The following FBXL4 variants were observed in gnomAD, a reference collection of about 807,000 sequenced individuals.
FBXL4 encodes the protein F-box/LRR-repeat protein 4.
FBXL4 carries 40 observed loss-of-function variants against 58.9 expected under a neutral mutation model. The observed-to-expected ratio is 0.68, with a 90% confidence interval of 0.53 to 0.88. FBXL4 has a LOEUF of 0.88. Among genes scored for constraint, FBXL4 ranks in the 40% least tolerant of loss-of-function variants. The pLI is 0.00. For missense variants in FBXL4, 676 were observed against 734.4 expected (o/e 0.92, Z 0.92); for synonymous variants, 263 against 265.5 (o/e 0.99, Z 0.09).
At chr6:98,919,278 G>C (rs1257116985) in intron 4 of FBXL4, among the ~76,000 whole-genome samples, 1 of 152,118 alleles carries the variant, frequency 6.6e-6, no homozygotes, top group Non-Finnish European at 1.5e-5. Context: ...AGGAACCACA[G>C]AATAGGGAAC....
At chr6:98,929,154 C>G (rs1772906035) in intron 2 of FBXL4, among the ~76,000 whole-genome samples, 1 of 152,110 alleles carries the variant, frequency 6.6e-6, no homozygotes, top group Non-Finnish European at 1.5e-5. Flanking sequence ...ATAACAGCAT[C>G]CTTTTGCCTC....
intron 5 of FBXL4, 42 bp from the exon 6 acceptor site, chr6:98,905,712 C>A (rs757870675): frequency 1.9e-6 from 3 of 1,590,290 alleles, no homozygotes; most frequent in Non-Finnish European, 2.6e-6. Context: ...GAGTGAAAAG[C>A]AGTATCATTC....
At chr6:98,880,902 G>C (rs1011824555) in intron 7 of FBXL4, among the ~76,000 whole-genome samples, 1 of 151,972 alleles carries the variant, frequency 6.6e-6, no homozygotes, top group Non-Finnish European at 1.5e-5. Context: ...ATGACCTCTC[G>C]GTTCATTTCC....
chr6:98,896,272 T>C (rs564036181), intron 7 of FBXL4, among the ~76,000 whole-genome samples: 1 of 152,108 alleles, frequency 6.6e-6, no homozygotes, highest in African/African-American at 2.4e-5. Context: ...GTAAAAGGAG[T>C]GTGTGTATCA....
At chr6:98,889,397 G>A (rs540435240) in intron 7 of FBXL4, among the ~76,000 whole-genome samples, 1 of 150,948 alleles carries the variant, frequency 6.6e-6, no homozygotes, top group Admixed American at 6.6e-5. Flanking sequence ...CTACTACAAT[G>A]ACTACAATGA....
chr6:98,937,595 C>T (rs1773269683), intron 1 of FBXL4, among the ~76,000 whole-genome samples: 1 of 151,950 alleles, frequency 6.6e-6, no homozygotes, highest in Admixed American at 6.6e-5. Flanking sequence ...GTGGTCCTTG[C>T]CATTTCAGGA....
chr6:98,938,900 T>C (rs1414011493), intron 1 of FBXL4, among the ~76,000 whole-genome samples: 1 of 151,730 alleles, frequency 6.6e-6, no homozygotes, highest in Admixed American at 6.6e-5. Context: ...CTAAGAAACA[T>C]AGGGAGACCC....
intron 4 of FBXL4, among the ~76,000 whole-genome samples, chr6:98,925,321 T>G (rs1772736916): frequency 6.6e-6 from 1 of 152,152 alleles, no homozygotes; most frequent in Non-Finnish European, 1.5e-5. Context: ...TAGTACAGAC[T>G]CTTTGGAGAG....
chr6:98,897,570 G>A (rs951775302), intron 7 of FBXL4, among the ~76,000 whole-genome samples: 2 of 152,080 alleles, frequency 1.3e-5, no homozygotes, highest in Non-Finnish European at 2.9e-5. Flanking sequence ...TAATTCATTC[G>A]GTGTTGCTAT....
At chr6:98,936,223 T>C (rs1773212579) in intron 1 of FBXL4, among the ~76,000 whole-genome samples, 1 of 152,212 alleles carries the variant, frequency 6.6e-6, no homozygotes, top group South Asian at 2.1e-4. Context: ...TTGATGAGTT[T>C]TGACAATGAC....
chr6:98,944,897 T>C (rs774263576), intron 1 of FBXL4, among the ~76,000 whole-genome samples: 1 of 152,192 alleles, frequency 6.6e-6, no homozygotes, highest in African/African-American at 2.4e-5. Context: ...CAGCATAAGA[T>C]GATCCTCTGG....
chr6:98,931,171 T>G (rs1772997948), intron 2 of FBXL4, among the ~76,000 whole-genome samples: 1 of 152,224 alleles, frequency 6.6e-6, no homozygotes, highest in South Asian at 2.1e-4. Flanking sequence ...TATAAAACTG[T>G]GTTGTGCATT....
chr6:98,919,845 C>CT (rs1180552761), intron 4 of FBXL4, among the ~76,000 whole-genome samples: 1 of 152,040 alleles, frequency 6.6e-6, no homozygotes, highest in Non-Finnish European at 1.5e-5. Flanking sequence ...TTTAGTCTTA[C>CT]TTTTTTGTCG....
At chr6:98,940,362 C>T in intron 1 of FBXL4, among the ~76,000 whole-genome samples, 1 of 152,174 alleles carries the variant, frequency 6.6e-6, no homozygotes, top group East Asian at 1.9e-4. Context: ...TGTTGCTAAA[C>T]ATTTGGCTTG....
intron 8 of FBXL4, 145 bp from the exon 9 acceptor site, chr6:98,875,872 A>G: frequency 2.6e-6 from 2 of 774,042 alleles, no homozygotes; most frequent in Non-Finnish European, 2.1e-6. Flanking sequence ...CTGCCCACTG[A>G]CCTCACGGAT....
intron 6 of FBXL4, among the ~76,000 whole-genome samples, 182 bp downstream of exon 6, chr6:98,905,244 T>G (rs1019681477): frequency 1.3e-5 from 2 of 152,226 alleles, no homozygotes; most frequent in African/African-American, 4.8e-5. Flanking sequence ...CTGAAGAGGA[T>G]AGTAAAACAC....
chr6:98,888,171 G>A (rs1582378677), intron 7 of FBXL4, among the ~76,000 whole-genome samples: 1 of 152,290 alleles, frequency 6.6e-6, no homozygotes, highest in East Asian at 1.9e-4. Flanking sequence ...AGCAGGAGTT[G>A]GCAAACTACT....
Position 98,911,823 on chromosome 6 carries a change from G to A in FBXL4, c.858+5551C>T, listed in dbSNP as rs145904831. On this transcript the variant is annotated intron_variant, in intron 5 of 9. Transcript: ENST00000369244. ...CACCGGCAATGGAACAAAGCTGGAC[G>A]GAGAATGACTTTGACGACTTGAGAG... is the stretch of plus-strand genomic sequence containing the variant. Among the ~76,000 whole-genome samples, 924 of 152,338 alleles carry A rather than the reference G, an allele frequency of 6.1e-3. 12 individuals carry two copies. The highest frequency in any genetic ancestry group is 0.021 in the African/African-American group (872 of 41,582).
Position 98,872,609 on chromosome 6 carries a change from CTAGT to C in FBXL4, c.*1665_*1668del, listed in dbSNP as rs1363578132. 1 of 152,076 alleles carries C rather than the reference CTAGT, an allele frequency of 6.6e-6. No individual in the cohort carries two copies. The highest frequency in any genetic ancestry group is 2.4e-5 in the African/African-American group (1 of 41,422). 9.4% of individuals were successfully genotyped at this position (152,076 alleles called of 1,614,324 possible). A position where few individuals can be genotyped will look rare whatever the true frequency, so the allele number is the denominator to read the frequency against. On this transcript the variant is annotated 3_prime_UTR_variant, in exon 10 of 10. Transcript: ENST00000369244. Reference sequence around the variant, plus strand: ...ATTTTCGTGCAAATTTTATTTCTCTCTAGTTATTTAAGTATCTACATAACAATCT... The same window carrying C: ...ATTTTCGTGCAAATTTTATTTCTCTCTATTTAAGTATCTACATAACAATCT...
Sources: allele counts gnomAD v4.1 joint callset (sites outside exome capture counted in the v4.1 genomes callset), GRCh38; gene constraint gnomAD v4.1.1; transcripts MANE v1.5; gene names NCBI Gene and HGNC (gene_info 2026-07-23, HGNC 2026-07-21).